Variants in BDNF observed in about 807,000 individuals in gnomAD.
BDNF encodes neurotrophic factor BDNF precursor form.
Under a neutral mutation model 19.5 loss-of-function variants are expected in BDNF, and 1 was observed. The ratio of observed to expected loss-of-function variants is 0.05; its 90% CI spans 0.02 to 0.24. The LOEUF is 0.24. Among genes scored for constraint, BDNF ranks in the 10% least tolerant of loss-of-function variants. The pLI is 1.00. For synonymous variants in BDNF, 100 were observed against 121.6 expected (o/e 0.82, Z 1.17); for missense variants, 195 against 317.6 (o/e 0.61, Z 2.93).
chr11:27,705,561 G>A (rs118020295), intron 1 of BDNF, among the ~76,000 whole-genome samples: 1 of 152,184 alleles, frequency 6.6e-6, no homozygotes, highest in Non-Finnish European at 1.5e-5. Context: ...CTACTTTCAT[G>A]TGATTCTGAT....
At position 27,657,034 on chromosome 11, in the gene BDNF, ATG is replaced by A. The variant is rs1852657794; in HGVS notation, c.*785_*786del. On this transcript the variant is annotated 3_prime_UTR_variant, in exon 2 of 2. Coordinates refer to ENST00000356660, the MANE Select transcript of BDNF (RefSeq NM_001709.5). This position sits in a 1 kb window ranked among gnomAD's most constrained non-coding sequence, Gnocchi z 5.0. ...GCTTACTCTGACCAACGCCCAAAGAATGAGCGGGGCCTGGGAGGTGCATCACG... is the reference window on the plus strand; with the variant it reads ...GCTTACTCTGACCAACGCCCAAAGAAAGCGGGGCCTGGGAGGTGCATCACG... 1 of 985,360 alleles carries A rather than the reference ATG, an allele frequency of 1.0e-6. No homozygotes were observed. The highest frequency in any genetic ancestry group is 6.2e-5 in the Admixed American group (1 of 16,260). 61.0% of individuals were successfully genotyped at this position (985,360 alleles called of 1,614,324 possible). A position where few individuals can be genotyped will look rare whatever the true frequency, so the allele number is the denominator to read the frequency against.
chr11:27,668,735 C>T (rs1854810259), intron 1 of BDNF, among the ~76,000 whole-genome samples: 1 of 152,140 alleles, frequency 6.6e-6, no homozygotes, highest in Admixed American at 6.5e-5. Context: ...TCTTAATAGA[C>T]CAATAACAGG....
intron 1 of BDNF, among the ~76,000 whole-genome samples, chr11:27,712,908 A>ATTCTTTCT: frequency 7.5e-6 from 1 of 133,794 alleles, no homozygotes; most frequent in Non-Finnish European, 1.6e-5. Context: ...ACAGTGAGCA[A>ATTCTTTCT]TTCTTTCTTT....
chr11:27,670,185 C>T (rs1855114310), intron 1 of BDNF, among the ~76,000 whole-genome samples: 2 of 152,262 alleles, frequency 1.3e-5, no homozygotes, highest in East Asian at 3.9e-4. Context: ...ATAAATGGTG[C>T]TGGGAAAACT....
chr11:27,719,783 G>A (rs1192177567), intron 1 of BDNF: 2 of 191,782 alleles, frequency 1.0e-5, no homozygotes, highest in Non-Finnish European at 1.9e-5. Flanking sequence ...GGGGGAAAGA[G>A]AGGGAGGGAG....
intron 1 of BDNF, among the ~76,000 whole-genome samples, chr11:27,668,208 C>G (rs1302341130): frequency 6.6e-6 from 1 of 152,174 alleles, no homozygotes; most frequent in African/African-American, 2.4e-5. Flanking sequence ...TAAAGATGTT[C>G]TTTGAAACCA....
chr11:27,715,802 A>T (rs913636934), intron 1 of BDNF, among the ~76,000 whole-genome samples: 1 of 152,148 alleles, frequency 6.6e-6, no homozygotes, highest in African/African-American at 2.4e-5. Flanking sequence ...CTCATCTGTA[A>T]AAGGTGATTG....
chr11:27,700,598 G>A (rs1291422438), upstream of BDNF: 2 of 977,084 alleles, frequency 2.0e-6, no homozygotes, highest in Admixed American at 6.3e-5. Context: ...GCCGCTTAAA[G>A]GGAACGCCGC....
intron 1 of BDNF, among the ~76,000 whole-genome samples, chr11:27,692,506 T>C (rs1365540097): frequency 6.6e-6 from 1 of 151,992 alleles, no homozygotes; most frequent in Non-Finnish European, 1.5e-5. Flanking sequence ...CAGGCTTGGA[T>C]AATTTTTTTT....
chr11:27,708,247 A>G (rs562790278), intron 1 of BDNF, among the ~76,000 whole-genome samples: 1 of 152,320 alleles, frequency 6.6e-6, no homozygotes, highest in Admixed American at 6.5e-5. Context: ...TTGAACTACT[A>G]TTCCCACATA....
intron 1 of BDNF, chr11:27,697,952 A>G (rs1016342094): frequency 6.6e-6 from 1 of 152,152 alleles, no homozygotes; most frequent in African/African-American, 2.4e-5. Flanking sequence ...TGCTTATATC[A>G]TTTATAAATA....
chr11:27,714,677 T>C (rs1220343544), intron 1 of BDNF, among the ~76,000 whole-genome samples: 1 of 152,174 alleles, frequency 6.6e-6, no homozygotes, highest in Admixed American at 6.6e-5. Flanking sequence ...CACCCAGAAT[T>C]GTAAATCACC....
At chr11:27,706,112 T>C (rs1392560473) in intron 1 of BDNF, among the ~76,000 whole-genome samples, 1 of 152,134 alleles carries the variant, frequency 6.6e-6, no homozygotes, top group East Asian at 1.9e-4. Context: ...GAGTGGCACT[T>C]AGAGGCGGGG....
chr11:27,712,806 C>T (rs541316384), intron 1 of BDNF, among the ~76,000 whole-genome samples: 12 of 151,730 alleles, frequency 7.9e-5, no homozygotes, highest in African/African-American at 1.2e-4. Flanking sequence ...TGAGCCGTCG[C>T]GCCTGGCCCC....
chr11:27,659,975 T>G (rs1853199674), intron 1 of BDNF, among the ~76,000 whole-genome samples: 1 of 152,190 alleles, frequency 6.6e-6, no homozygotes, highest in African/African-American at 2.4e-5. Context: ...AGCATTGTGT[T>G]TCTCAGCAGC....
At position 27,659,646 on chromosome 11, in the gene BDNF, TGTGCGCGCGCGC is replaced by T. The variant is rs200712840; in HGVS notation, c.-21-1073_-21-1062del. Reference sequence around the variant, plus strand: ...TGTTCTCTCTGTGTGTGTGTGTGTGTGTGCGCGCGCGCGTGTGCGCGCGCTCTGAGTTTATCC... The same window carrying T: ...TGTTCTCTCTGTGTGTGTGTGTGTGTGTGTGCGCGCGCTCTGAGTTTATCC... On this transcript the variant is annotated intron_variant, in intron 1 of 1. Coordinates refer to ENST00000356660, the MANE Select transcript of BDNF (RefSeq NM_001709.5). 4,017 of 995,740 alleles carry T rather than the reference TGTGCGCGCGCGC, an allele frequency of 4.0e-3. 27 individuals are homozygous for T. The highest frequency in any genetic ancestry group is 0.035 in the African/African-American group (1,965 of 55,966). 61.7% of individuals were successfully genotyped at this position (995,740 alleles called of 1,614,324 possible).
In BDNF at chr11:27,700,454, G is replaced by A. The variant is rs1201392192; in HGVS notation, c.-312C>T. On this transcript the variant is annotated 5_prime_UTR_variant, in exon 1 of 2. Coordinates refer to ENST00000356660, the MANE Select transcript of BDNF (RefSeq NM_001709.5). ...CGTCGGGGACCCGGAGCTCCAGGCT[G>A]CGCCTTGCGCCCGGGTCAGACATTA... is the stretch of plus-strand genomic sequence containing the variant. 9.1e-6 allele frequency: 9 copies of A among 983,924 alleles called. No individual in the cohort carries two copies. The highest frequency in any genetic ancestry group is 9.6e-6 in the Non-Finnish European group (8 of 829,308). 60.9% of individuals were successfully genotyped at this position (983,924 alleles called of 1,614,324 possible).
At chr11:27,681,542 A>G (rs1856826424) in intron 1 of BDNF, among the ~76,000 whole-genome samples, 1 of 152,206 alleles carries the variant, frequency 6.6e-6, no homozygotes, top group Non-Finnish European at 1.5e-5. Context: ...GATTCCAGCT[A>G]GGTCTTGAAG....
At chr11:27,719,516 C>T (rs1860664730) in intron 1 of BDNF, 4 of 985,478 alleles carry the variant, frequency 4.1e-6, no homozygotes, top group Non-Finnish European at 4.8e-6. Flanking sequence ...CGGACCTGGG[C>T]TCAGTGAGGC....
Sources: allele counts gnomAD v4.1 joint callset (sites outside exome capture counted in the v4.1 genomes callset), GRCh38; gene constraint gnomAD v4.1.1; non-coding constraint Gnocchi (gnomAD v3.1); transcripts MANE v1.5; gene names NCBI Gene and HGNC (gene_info 2026-07-23, HGNC 2026-07-21).